The following GRAMD4 variants were observed in gnomAD, a reference collection of about 807,000 sequenced individuals.
GRAMD4 encodes the protein GRAM domain containing 4.
Under a neutral mutation model 83.9 loss-of-function variants are expected in GRAMD4, and 25 were observed. The observed-to-expected ratio is 0.30, with a 90% CI of 0.22 to 0.42. The LOEUF (loss-of-function observed/expected upper bound fraction) is 0.42. Ranked by LOEUF, GRAMD4 falls within the 10% of genes least tolerant of loss-of-function variation. The pLI, the probability that GRAMD4 is intolerant of heterozygous loss-of-function variation, is 1.00. For missense variants in GRAMD4, 593 were observed against 788.7 expected (o/e 0.75, Z 2.97); for synonymous variants, 336 against 320.9 (o/e 1.05, Z -0.50).
rs977434914 is a variant in GRAMD4, at chr22:46,677,981, C to T, written c.*730C>T. 1.1e-5 allele frequency: 11 copies of T among 985,632 alleles called. No homozygotes were observed. The Admixed American group carries it at 2.5e-4, about 22-fold the overall frequency. 61.1% of individuals were successfully genotyped at this position (985,632 alleles called of 1,614,324 possible). On this transcript the variant is annotated 3_prime_UTR_variant, in exon 19 of 19. Transcript: ENST00000406902. ...CAGCACCGCGTCTGTAAGGGCCTGC[C>T]TGCTGCTCTCGGCCTGACACGCCGG...
chr22:46,589,175 C>A (rs1419867912), intron 1 of GRAMD4, among the ~76,000 whole-genome samples: 2 of 151,660 alleles, frequency 1.3e-5, no homozygotes, highest in African/African-American at 2.4e-5. Context: ...GGCTCAGTGT[C>A]CTTGTCCCTC....
chr22:46,637,087 G>C (rs1263964742), intron 2 of GRAMD4, among the ~76,000 whole-genome samples: 2 of 152,148 alleles, frequency 1.3e-5, no homozygotes, highest in Non-Finnish European at 2.9e-5. Flanking sequence ...GATCTACTCA[G>C]TGTGGCTCGT....
chr22:46,581,184 A>T (rs2081094972), intron 1 of GRAMD4, among the ~76,000 whole-genome samples: 1 of 152,182 alleles, frequency 6.6e-6, no homozygotes, highest in Non-Finnish European at 1.5e-5. Context: ...ATTATGTTTA[A>T]GCCCAGTGAT....
intron 1 of GRAMD4, among the ~76,000 whole-genome samples, chr22:46,625,054 G>T (rs1601584772): frequency 6.6e-6 from 1 of 151,956 alleles, no homozygotes; most frequent in South Asian, 2.1e-4. Context: ...TAGAGATGGG[G>T]TTTCACCGTG....
At chr22:46,660,197 TCTGCCTTGGGA>T (rs1411399390) in intron 4 of GRAMD4, among the ~76,000 whole-genome samples, 1 of 152,186 alleles carries the variant, frequency 6.6e-6, no homozygotes, top group Non-Finnish European at 1.5e-5. Context: ...TCGCACAGTC[TCTGCCTTGGGA>T]ATGGGTGGGG....
chr22:46,667,014 G>A (rs1338864881), intron 10 of GRAMD4, 141 bp downstream of exon 10: 2 of 570,922 alleles, frequency 3.5e-6, no homozygotes, highest in East Asian at 3.5e-5. Context: ...CTGAAGAGGA[G>A]GGGAGGAGGA....
chr22:46,650,379 G>A (rs111849348), intron 3 of GRAMD4, among the ~76,000 whole-genome samples: 1 of 127,994 alleles, frequency 7.8e-6, no homozygotes, highest in East Asian at 1.9e-4. Context: ...TGGGTGGAGG[G>A]CTGGGCGTCG....
intron 1 of GRAMD4, among the ~76,000 whole-genome samples, chr22:46,580,124 G>C (rs1468062023): frequency 2.0e-5 from 3 of 152,242 alleles, no homozygotes; most frequent in Non-Finnish European, 4.4e-5. Flanking sequence ...GTGTGTGGCA[G>C]AGCATCCCTG....
At chr22:46,587,040 A>G (rs962881310) in intron 1 of GRAMD4, among the ~76,000 whole-genome samples, 2 of 152,182 alleles carry the variant, frequency 1.3e-5, no homozygotes, top group African/African-American at 4.8e-5. Context: ...GCCCGTGCTG[A>G]TGGTCGCCTA....
intron 3 of GRAMD4, among the ~76,000 whole-genome samples, chr22:46,638,508 T>G (rs925864235): frequency 1.3e-5 from 2 of 152,204 alleles, no homozygotes; most frequent in African/African-American, 4.8e-5. Context: ...CAGAGATTCT[T>G]ACAGGAGGGG....
At chr22:46,585,040 T>G (rs553128509) in intron 1 of GRAMD4, among the ~76,000 whole-genome samples, 73 of 152,304 alleles carry the variant, frequency 4.8e-4, no homozygotes, top group Middle Eastern at 3.4e-3. Flanking sequence ...GGCTTTCTGT[T>G]AAGCATCTTT....
intron 3 of GRAMD4, among the ~76,000 whole-genome samples, chr22:46,649,526 G>A (rs544005087): frequency 4.6e-5 from 7 of 152,294 alleles, no homozygotes; most frequent in Middle Eastern, 3.4e-3. Flanking sequence ...CTTATTTGAC[G>A]TGGTAAAAAT....
intron 3 of GRAMD4, among the ~76,000 whole-genome samples, chr22:46,643,133 A>G (rs377651078): frequency 8.7e-6 from 1 of 114,744 alleles, no homozygotes; most frequent in Non-Finnish European, 1.9e-5. Flanking sequence ...GCATCCATCC[A>G]TGCATCCTTC....
chr22:46,624,071 C>T (rs956104990), intron 1 of GRAMD4, among the ~76,000 whole-genome samples: 2 of 152,068 alleles, frequency 1.3e-5, no homozygotes, highest in Non-Finnish European at 1.5e-5. Flanking sequence ...TGCCAGCCAC[C>T]GCACCTGGCC....
chr22:46,587,248 C>T (rs992837904), intron 1 of GRAMD4, among the ~76,000 whole-genome samples: 3 of 152,128 alleles, frequency 2.0e-5, no homozygotes, highest in South Asian at 2.1e-4. Context: ...TCTGGGGCTC[C>T]GGAGTAGAAG....
chr22:46,662,366 G>T (rs910712640), intron 5 of GRAMD4, among the ~76,000 whole-genome samples: 35 of 152,258 alleles, frequency 2.3e-4, no homozygotes, highest in Non-Finnish European at 7.3e-5. Context: ...ACCCGCTGCA[G>T]GCGGCTCCTC....
chr22:46,609,938 G>A (rs539132132), intron 1 of GRAMD4, among the ~76,000 whole-genome samples: 75 of 152,318 alleles, frequency 4.9e-4, no homozygotes, highest in African/African-American at 1.7e-3. Context: ...GTTCTGAGTC[G>A]GTTCGCCTTC....
chr22:46,581,963 C>T (rs1465436444), intron 1 of GRAMD4, among the ~76,000 whole-genome samples: 4 of 152,122 alleles, frequency 2.6e-5, no homozygotes, highest in Non-Finnish European at 4.4e-5. Context: ...GAGATGGCCG[C>T]GTCTGCACCA....
intron 1 of GRAMD4, among the ~76,000 whole-genome samples, chr22:46,608,435 T>G (rs2081386020): frequency 6.6e-6 from 1 of 152,186 alleles, no homozygotes; most frequent in Admixed American, 6.5e-5. Flanking sequence ...TTCCAGCACT[T>G]TGGGAGGCCG....
Sources: gnomAD v4.1 joint callset for allele counts (sites outside exome capture counted in the v4.1 genomes callset) on GRCh38, gnomAD v4.1.1 for gene constraint, MANE v1.5 for transcripts, NCBI Gene and HGNC (gene_info 2026-07-23, HGNC 2026-07-21) for gene names.